LYVE1: variants seen among roughly 807,000 people sequenced by gnomAD.
LYVE1 encodes lymphatic vessel endothelial hyaluronic acid receptor 1.
A neutral mutation model predicts 31.5 loss-of-function variants in LYVE1; 29 were observed. The ratio of observed to expected loss-of-function variants is 0.92; its 90% CI spans 0.69 to 1.26. LYVE1 has a LOEUF of 1.26. Among genes scored for constraint, LYVE1 ranks in the 50% most tolerant of loss-of-function variants. The pLI, the probability that LYVE1 is intolerant of heterozygous loss-of-function variation, is 0.00. For missense variants in LYVE1, 376 were observed against 380.2 expected (o/e 0.99, Z 0.09); for synonymous variants, 134 against 139.4 (o/e 0.96, Z 0.27).
intron 1 of LYVE1, among the ~76,000 whole-genome samples, chr11:10,566,257 G>A (rs1006738671): frequency 1.3e-5 from 2 of 151,648 alleles, no homozygotes; most frequent in Non-Finnish European, 1.5e-5. Flanking sequence ...CTACAGACGC[G>A]AGACACCATG....
chr11:10,557,495 T>A lies in LYVE1; in HGVS notation c.*1616A>T, dbSNP rs1273824395. Reference sequence around the variant, plus strand: ...AGGAACCACGGAGCTGTGGGGTCACTGGTGAGGGGAAGAAGACAATTAGCA... The same window carrying A: ...AGGAACCACGGAGCTGTGGGGTCACAGGTGAGGGGAAGAAGACAATTAGCA... On this transcript the variant is annotated 3_prime_UTR_variant, in exon 6 of 6. Transcript: ENST00000256178. 6.6e-6 allele frequency: 1 copy of A among 152,132 alleles called. No homozygotes were observed. The highest frequency in any genetic ancestry group is 1.5e-5 in the Non-Finnish European group (1 of 68,016). 9.4% of individuals were successfully genotyped at this position (152,132 alleles called of 1,614,324 possible). A position where few individuals can be genotyped will look rare whatever the true frequency, so the allele number is the denominator to read the frequency against.
chr11:10,564,016 C>T lies in LYVE1; in HGVS notation c.321G>A (p.Gly107=). The change falls in exon 3 of 6, where the codon GGG becomes GGA. Residue 107 remains glycine, a synonymous_variant. Transcript: ENST00000256178. ...AAATCAGGACACCCACCCCATTTTT[C>T]CCACACTTGGGGTTTGGGCTAATCC... ...ISRISPNPKC[G]KNGVGVLIWK... 6.2e-7 allele frequency: 1 copy of T among 1,614,172 alleles called. No homozygotes were observed. The highest frequency in any genetic ancestry group is 2.2e-5 in the East Asian group (1 of 44,884).
At chr11:10,564,517 A>G (rs566516318) in intron 1 of LYVE1, 143 bp from the exon 2 acceptor site, 3 of 683,984 alleles carry the variant, frequency 4.4e-6, no homozygotes, top group African/African-American at 1.8e-5. Context: ...CAGGACACAG[A>G]CCAGGCATTT....
At chr11:10,565,352 T>A (rs1342389434) in intron 1 of LYVE1, among the ~76,000 whole-genome samples, 1 of 152,248 alleles carries the variant, frequency 6.6e-6, no homozygotes, top group Non-Finnish European at 1.5e-5. Context: ...CCCTTTTCTC[T>A]GGGTTCTGGG....
intron 4 of LYVE1, 73 bp downstream of exon 4, chr11:10,560,422 G>A (rs777436038): frequency 4.1e-5 from 56 of 1,352,648 alleles, no homozygotes; most frequent in Non-Finnish European, 5.6e-5. Flanking sequence ...TCTAAAGACA[G>A]GCAGGATTCT....
rs570806909 is a variant in LYVE1, at chr11:10,564,431, G to C, written c.86-57C>G. The C allele has an allele frequency of 5.4e-5, 83 of 1,525,306 alleles. No individual in the cohort carries two copies. In the South Asian group the frequency reaches 8.5e-4, roughly 16 times the overall value. The allele number at this position is 1,525,306 out of a possible 1,614,324, so 94.5% of individuals were successfully genotyped here. ...CTGCTGTCCTTGTTTCCAGCCCTTA[G>C]ACTCTCCTTCCCAGCAGAGTATATC... is the stretch of plus-strand genomic sequence containing the variant. On this transcript the variant is annotated intron_variant, in intron 1 of 5. Transcript: ENST00000256178.
chr11:10,559,448 C>A, intron 5 of LYVE1, 151 bp from the exon 6 acceptor site: 1 of 625,514 alleles, frequency 1.6e-6, no homozygotes, highest in East Asian at 2.7e-5. Context: ...ATTAAGACAT[C>A]ACCACCTTAA....
chr11:10,566,671 A>G (rs1190529378), intron 1 of LYVE1, among the ~76,000 whole-genome samples: 1 of 152,146 alleles, frequency 6.6e-6, no homozygotes, highest in African/African-American at 2.4e-5. Flanking sequence ...TACTCTAAAT[A>G]CTATTATTTA....
chr11:10,563,027 C>T (rs1433987937), intron 3 of LYVE1, among the ~76,000 whole-genome samples: 1 of 134,058 alleles, frequency 7.5e-6, no homozygotes, highest in East Asian at 2.5e-4. Flanking sequence ...GATCTTGGCT[C>T]ACTGCAAGCT....
At chr11:10,566,269 C>T (rs1850540131) in intron 1 of LYVE1, among the ~76,000 whole-genome samples, 1 of 151,836 alleles carries the variant, frequency 6.6e-6, no homozygotes, top group Non-Finnish European at 1.5e-5. Context: ...GACACCATGC[C>T]CAGCTAATTT....
chr11:10,562,946 CT>C (rs71034774), intron 3 of LYVE1, among the ~76,000 whole-genome samples: 1,059 of 79,430 alleles, frequency 0.013, 3 homozygotes, highest in African/African-American at 0.046. Context: ...AACTCGGTTT[CT>C]TTTTTTTTTT....
At chr11:10,560,084 A>T (rs780495776) in intron 4 of LYVE1, among the ~76,000 whole-genome samples, 190 bp from the exon 5 acceptor site, 1 of 152,014 alleles carries the variant, frequency 6.6e-6, no homozygotes, top group Non-Finnish European at 1.5e-5. Flanking sequence ...TGCTTCTCAC[A>T]CTCTCAATTC....
At position 10,559,138 on chromosome 11, in the gene LYVE1, G is replaced by A. The variant is rs553314813; in HGVS notation, c.942C>T (p.Thr314=). The part of the protein sequence containing the change: ...PEESKSPSKT[T]VRCLEAEV ...AAACTTCAGCTTCCAGGCATCGCAC[G>A]GTAGTTTTGCTTGGACTCTTGGACT... The change falls in exon 6 of 6, where the codon ACC becomes ACT. Residue 314 remains threonine (T), a synonymous_variant. Transcript: ENST00000256178. The A allele has an allele frequency of 2.7e-5, 43 of 1,613,788 alleles. No individual in the cohort carries two copies. Among genetic ancestry groups the A allele is most frequent in the African/African-American group, 1.9e-4 (14 of 74,882 alleles).
At position 10,559,385 on chromosome 11, in the gene LYVE1, T is replaced by A. The variant is rs544415231; in HGVS notation, c.783-88A>T. 6.4e-5 allele frequency: 58 copies of A among 899,664 alleles called. No individual in the cohort carries two copies. The South Asian group carries it at 8.9e-4, about 14-fold the overall frequency. The allele number at this position is 899,664 out of a possible 1,614,324, so 55.7% of individuals were successfully genotyped here. ...TTGGCCATGGTACATATTGGCACAG[T>A]ACACTGGATACCTTTATTTCAGAGT... On this transcript the variant is annotated intron_variant, in intron 5 of 5. Transcript: ENST00000256178.
At position 10,564,214 on chromosome 11, in the gene LYVE1, A is replaced by G. The variant is rs1267894116; in HGVS notation, c.246T>C (p.Phe82=). 1.2e-6 allele frequency: 2 copies of G among 1,613,998 alleles called. No homozygotes were observed. The highest frequency in any genetic ancestry group is 2.2e-5 in the South Asian group (2 of 91,090). The change falls in exon 2 of 6, where the codon TTT becomes TTC. Residue 82 remains phenylalanine (F), a synonymous_variant. Transcript: ENST00000256178. ...DQVETALKAS[F]ETCSYGWVGD... ...CAGCTTTTTCTCACCTGCAAGTTTCAAAGCTAGCTTTCAAGGCTGTTTCAA... is the reference window on the plus strand; with the variant it reads ...CAGCTTTTTCTCACCTGCAAGTTTCGAAGCTAGCTTTCAAGGCTGTTTCAA...
chr11:10,568,665 T>C lies in LYVE1; in HGVS notation c.-133A>G. 1 of 1,263,982 alleles carries C rather than the reference T, an allele frequency of 7.9e-7. No homozygotes were observed. The allele number at this position is 1,263,982 out of a possible 1,614,324, so 78.3% of individuals were successfully genotyped here. ...GGCTCACACTCACTGCTCCACTTCATAACCGAGACATCCGGATTTCCCTGC... is the reference window on the plus strand; with the variant it reads ...GGCTCACACTCACTGCTCCACTTCACAACCGAGACATCCGGATTTCCCTGC... On this transcript the variant is annotated 5_prime_UTR_variant, in exon 1 of 6. It removes an upstream start codon present in the reference 5' UTR. Transcript: ENST00000256178.
rs751763691 is a variant in LYVE1 at position 10,559,287 on chromosome 11, CCTTCA to C, written c.788_792del (p.Val263GlyfsTer26). ...TGATTCTTGTTTGTAAAAGGGAAGG[CCTTCA>C]CATACCTTTAGGCAGAAACATGAAA... On this transcript the variant is annotated frameshift_variant, in exon 6 of 6. Transcript: ENST00000256178. LOFTEE classifies it high-confidence loss of function. The C allele has an allele frequency of 1.9e-5, 30 of 1,612,880 alleles. No homozygotes were observed. Among genetic ancestry groups the C allele is most frequent in the Non-Finnish European group, 2.5e-5 (29 of 1,179,472 alleles).
chr11:10,568,453 G>C lies in LYVE1; in HGVS notation c.80C>G (p.Ala27Gly). 2 of 1,613,858 alleles carry C rather than the reference G, an allele frequency of 1.2e-6. No individual in the cohort carries two copies. Among genetic ancestry groups the C allele is most frequent in the East Asian group, 2.2e-5 (1 of 44,876 alleles). ...AAATCTGGTGAGAAACCTACCTTCT[G>C]CACGCAAAGAGCCTTGGACCAGGAG... The part of the protein sequence containing the change: ...TRLLVQGSLR[A>G]EELSIQVSCR... The change falls in exon 1 of 6, where the codon GCA becomes GGA. Residue 27 changes from alanine to glycine, a missense_variant. Transcript: ENST00000256178.
At chr11:10,561,708 G>A (rs745698029) in intron 3 of LYVE1, among the ~76,000 whole-genome samples, 2 of 152,028 alleles carry the variant, frequency 1.3e-5, no homozygotes, top group African/African-American at 2.4e-5. Context: ...TGAATAACTC[G>A]CCCAAAGTCA....
Sources: gnomAD v4.1 joint callset for allele counts (sites outside exome capture counted in the v4.1 genomes callset) on GRCh38, gnomAD v4.1.1 for gene constraint, MANE v1.5 for transcripts, NCBI Gene and HGNC (gene_info 2026-07-23, HGNC 2026-07-21) for gene names.